TCERG1L: variants seen among roughly 807,000 people sequenced by gnomAD.
TCERG1L encodes transcription elongation regulator 1-like protein.
Under a neutral mutation model 56.3 loss-of-function variants are expected in TCERG1L, and 37 were observed. The ratio of observed to expected loss-of-function variants is 0.66; its 90% CI spans 0.51 to 0.87. The LOEUF is 0.87. Ranked by LOEUF, TCERG1L falls within the 40% of genes least tolerant of loss-of-function variation. The pLI is 0.00. For synonymous variants in TCERG1L, 324 were observed against 326.3 expected (o/e 0.99, Z 0.08); for missense variants, 799 against 774.2 (o/e 1.03, Z -0.38).
chr10:131,112,519 C>G (rs1589777579), intron 9 of TCERG1L, among the ~76,000 whole-genome samples: 1 of 142,474 alleles, frequency 7.0e-6, no homozygotes, highest in Admixed American at 6.9e-5. Context: ...ACTCTGCGGC[C>G]CTCTTCTCCT....
At chr10:131,184,826 C>A (rs548441917) in intron 4 of TCERG1L, among the ~76,000 whole-genome samples, 21 of 152,320 alleles carry the variant, frequency 1.4e-4, no homozygotes, top group Admixed American at 6.5e-4. Context: ...AACACAGTGT[C>A]CTCAAAGGGA....
chr10:131,114,486 C>A (rs916109232), intron 9 of TCERG1L, among the ~76,000 whole-genome samples: 1 of 151,482 alleles, frequency 6.6e-6, no homozygotes, highest in African/African-American at 2.4e-5. Context: ...CCCTTTCTCT[C>A]GGGGTAAACA....
At chr10:131,226,733 T>A (rs900339640) in intron 4 of TCERG1L, among the ~76,000 whole-genome samples, 2 of 152,202 alleles carry the variant, frequency 1.3e-5, no homozygotes, top group African/African-American at 2.4e-5. Context: ...ATAATTATAG[T>A]TTAGAAGTGT....
At chr10:131,308,732 G>A (rs1164023533) in intron 2 of TCERG1L, among the ~76,000 whole-genome samples, 1 of 152,180 alleles carries the variant, frequency 6.6e-6, no homozygotes, top group Non-Finnish European at 1.5e-5. Context: ...TGAACAAAAT[G>A]TAGTCAGTAA....
At chr10:131,199,790 T>TGGAG (rs1845410511) in intron 4 of TCERG1L, among the ~76,000 whole-genome samples, 1 of 152,132 alleles carries the variant, frequency 6.6e-6, no homozygotes, top group African/African-American at 2.4e-5. Context: ...ACAGTGCCCC[T>TGGAG]CCTGTAAACA....
In TCERG1L at chr10:131,103,280, C is replaced by A. The variant is rs1286487079; in HGVS notation, c.1485+985G>T. On this transcript the variant is annotated intron_variant, in intron 10 of 11. Transcript: ENST00000368642. This position sits in a 1 kb window ranked among gnomAD's most constrained non-coding sequence, Gnocchi z 4.3. ...GGAAAAATAAATGAGAGGATTAAAT[C>A]ATTGTTTTGACATAATTATCTTTGG... is the stretch of plus-strand genomic sequence containing the variant. Among the ~76,000 whole-genome samples the A allele has an allele frequency of 2.0e-5, 3 of 152,120 alleles. No homozygotes were observed. The highest frequency in any genetic ancestry group is 2.0e-4 in the Admixed American group (3 of 15,266).
At position 131,103,047 on chromosome 10, in the gene TCERG1L, T is replaced by C. The variant is rs1845318949; in HGVS notation, c.1485+1218A>G. ...TCCGTGTTTTCTGGGTGGCGTTTTGTAGAACTCCACCCTTCACTGTGCTGC... is the reference window on the plus strand; with the variant it reads ...TCCGTGTTTTCTGGGTGGCGTTTTGCAGAACTCCACCCTTCACTGTGCTGC... On this transcript the variant is annotated intron_variant, in intron 10 of 11. Coordinates refer to ENST00000368642, the MANE Select transcript of TCERG1L (RefSeq NM_174937.4). The surrounding 1 kb of genome is among the most constrained non-coding windows in gnomAD (Gnocchi z 4.3). Among the ~76,000 whole-genome samples the C allele has an allele frequency of 1.3e-5, 2 of 151,984 alleles. No homozygotes were observed. The highest frequency in any genetic ancestry group is 1.3e-4 in the Admixed American group (2 of 15,254).
At chr10:131,100,831 G>A (rs1272821944) in intron 10 of TCERG1L, among the ~76,000 whole-genome samples, 14 of 152,174 alleles carry the variant, frequency 9.2e-5, no homozygotes, top group Admixed American at 9.2e-4. Flanking sequence ...GTCTTTGGAT[G>A]GGGTCCAGCT....
chr10:131,136,098 G>A (rs937836124), intron 7 of TCERG1L, among the ~76,000 whole-genome samples: 9 of 152,212 alleles, frequency 5.9e-5, no homozygotes, highest in African/African-American at 1.9e-4. Context: ...ATGTCCACAG[G>A]GGTAAATTTG....
intron 4 of TCERG1L, among the ~76,000 whole-genome samples, chr10:131,219,130 C>T (rs774735293): frequency 2.0e-5 from 3 of 152,132 alleles, no homozygotes; most frequent in East Asian, 1.9e-4. Context: ...GGCTCCGTCC[C>T]GCAGTCATGA....
At chr10:131,122,312 A>G (rs973689762) in intron 8 of TCERG1L, among the ~76,000 whole-genome samples, 3 of 152,190 alleles carry the variant, frequency 2.0e-5, no homozygotes, top group Non-Finnish European at 2.9e-5. Context: ...GTTTCAAGGA[A>G]GGGGCTGGCG....
intron 4 of TCERG1L, among the ~76,000 whole-genome samples, chr10:131,199,171 G>C (rs1845399515): frequency 6.6e-6 from 1 of 152,114 alleles, no homozygotes; most frequent in Non-Finnish European, 1.5e-5. Context: ...CCGTTGTCTG[G>C]TGAACAGCAT....
At chr10:131,302,627 A>ATT (rs559944571) in intron 3 of TCERG1L, among the ~76,000 whole-genome samples, 3,246 of 135,832 alleles carry the variant, frequency 0.024, 55 homozygotes, top group Non-Finnish European at 0.035. Flanking sequence ...TTTTTTCTCA[A>ATT]TTTTTTTTTT....
intron 3 of TCERG1L, among the ~76,000 whole-genome samples, chr10:131,297,762 G>C (rs1024362153): frequency 6.6e-6 from 1 of 152,090 alleles, no homozygotes; most frequent in Non-Finnish European, 1.5e-5. Flanking sequence ...CAGATACAGA[G>C]TTATTCATGT....
At chr10:131,241,606 GA>G (rs1318559966) in intron 4 of TCERG1L, among the ~76,000 whole-genome samples, 2 of 148,026 alleles carry the variant, frequency 1.4e-5, no homozygotes, top group African/African-American at 2.5e-5. Flanking sequence ...AAAAACATAA[GA>G]GAGGACATGC....
At chr10:131,240,394 T>G (rs1845958055) in intron 4 of TCERG1L, among the ~76,000 whole-genome samples, 1 of 152,224 alleles carries the variant, frequency 6.6e-6, no homozygotes, top group South Asian at 2.1e-4. Flanking sequence ...TGGAGCTGAT[T>G]TATTTTATGA....
chr10:131,272,029 C>G (rs893577019), intron 3 of TCERG1L, among the ~76,000 whole-genome samples: 1 of 152,198 alleles, frequency 6.6e-6, no homozygotes, highest in Non-Finnish European at 1.5e-5. Flanking sequence ...ACAGGCCCAG[C>G]AAGCTTCACA....
Position 131,177,630 on chromosome 10 carries a change from C to A in TCERG1L, c.857-10745G>T, listed in dbSNP as rs574139182. Reference sequence around the variant, plus strand: ...GTCTCCCCTTTTACGGGCGTTAACACGCCCAGCACATGTCAGAGGGCAGCG... The same window carrying A: ...GTCTCCCCTTTTACGGGCGTTAACAAGCCCAGCACATGTCAGAGGGCAGCG... On this transcript the variant is annotated intron_variant, in intron 4 of 11. Transcript: ENST00000368642. 8.5e-5 allele frequency among the ~76,000 whole-genome samples: 13 copies of A among 152,322 alleles called. No homozygotes were observed. In the South Asian group the frequency reaches 2.1e-3, roughly 24 times the overall value.
At chr10:131,147,885 A>T (rs1845817025) in intron 6 of TCERG1L, among the ~76,000 whole-genome samples, 1 of 152,164 alleles carries the variant, frequency 6.6e-6, no homozygotes, top group Non-Finnish European at 1.5e-5. Context: ...AAAAGAAGCC[A>T]CTCTGTTCTG....
Sources: allele counts gnomAD v4.1 joint callset (sites outside exome capture counted in the v4.1 genomes callset), GRCh38; gene constraint gnomAD v4.1.1; non-coding constraint Gnocchi (gnomAD v3.1); transcripts MANE v1.5; gene names NCBI Gene and HGNC (gene_info 2026-07-23, HGNC 2026-07-21).